The following TMEM117 variants were observed in gnomAD, a reference collection of about 807,000 sequenced individuals.
TMEM117 encodes transmembrane protein 117.
TMEM117 carries 27 observed loss-of-function variants against 52.4 expected under a neutral mutation model. The ratio of observed to expected loss-of-function variants is 0.51; its 90% CI spans 0.38 to 0.71. The LOEUF (loss-of-function observed/expected upper bound fraction) is 0.71. TMEM117 is among the 30% of genes least tolerant of loss of function. TMEM117 has a pLI of 0.00. For missense variants in TMEM117, 556 were observed against 630.5 expected (o/e 0.88, Z 1.26); for synonymous variants, 215 against 206.3 (o/e 1.04, Z -0.36).
chr12:43,880,381 TCAA>T (rs1215958692), intron 2 of TMEM117, among the ~76,000 whole-genome samples: 1 of 152,056 alleles, frequency 6.6e-6, no homozygotes, highest in African/African-American at 2.4e-5. Flanking sequence ...CTTTCTAACT[TCAA>T]TTTTTATTCC....
At chr12:44,122,743 C>G (rs896238231) in intron 3 of TMEM117, among the ~76,000 whole-genome samples, 1 of 152,206 alleles carries the variant, frequency 6.6e-6, no homozygotes, top group African/African-American at 2.4e-5. Flanking sequence ...AGGACATGAT[C>G]TCATTCCTTT....
chr12:43,798,138 A>G, the TMEM117 span, among the ~76,000 whole-genome samples: 1 of 152,126 alleles, frequency 6.6e-6, no homozygotes, highest in Non-Finnish European at 1.5e-5. Context: ...TACACCACTG[A>G]TTGTAAAATT....
chr12:43,880,076 C>G (rs770451468), intron 2 of TMEM117, among the ~76,000 whole-genome samples: 1 of 152,178 alleles, frequency 6.6e-6, no homozygotes, highest in Non-Finnish European at 1.5e-5. Flanking sequence ...TTTCATACTT[C>G]CCTATTTCAT....
intron 6 of TMEM117, among the ~76,000 whole-genome samples, chr12:44,339,628 C>T (rs1015318249): frequency 7.9e-5 from 12 of 151,740 alleles, no homozygotes; most frequent in East Asian, 1.9e-4. Flanking sequence ...TTAGAAAATA[C>T]AATGAAAGAT....
At chr12:44,171,226 G>T (rs1490513116) in intron 4 of TMEM117, among the ~76,000 whole-genome samples, 1 of 151,778 alleles carries the variant, frequency 6.6e-6, no homozygotes, top group African/African-American at 2.4e-5. Context: ...CATTTTAGCC[G>T]GGATGGTCTC....
intron 6 of TMEM117, among the ~76,000 whole-genome samples, chr12:44,311,588 A>G (rs1198069798): frequency 6.6e-6 from 1 of 151,832 alleles, no homozygotes; most frequent in Admixed American, 6.6e-5. Context: ...GAGGACGTAG[A>G]GATGACAGCT....
chr12:44,325,507 A>T (rs886657387), intron 6 of TMEM117, among the ~76,000 whole-genome samples: 1 of 150,810 alleles, frequency 6.6e-6, no homozygotes, highest in Non-Finnish European at 1.5e-5. Context: ...ATTATTTATT[A>T]TATTATTTAT....
chr12:43,948,959 AC>A, intron 3 of TMEM117, among the ~76,000 whole-genome samples: 3 of 152,346 alleles, frequency 2.0e-5, no homozygotes, highest in East Asian at 3.9e-4. Flanking sequence ...TTATGTAGGG[AC>A]CAGAAACAAG....
intron 3 of TMEM117, among the ~76,000 whole-genome samples, chr12:44,111,093 C>T (rs1948047971): frequency 1.7e-4 from 1 of 5,758 alleles, no homozygotes; most frequent in Non-Finnish European, 2.7e-4. Context: ...TGATTCTTCT[C>T]TCTTTTTTTC....
In TMEM117 at chr12:44,107,228, T is replaced by C. The variant is rs1947971827; in HGVS notation, c.411-36297T>C. ...AGTTAAAAATTAACTTTCTCTTATTTCCCAGGGTTAGTAAGATATGGGGCA... is the reference window on the plus strand; with the variant it reads ...AGTTAAAAATTAACTTTCTCTTATTCCCCAGGGTTAGTAAGATATGGGGCA... On this transcript the variant is annotated intron_variant, in intron 3 of 7. Transcript: ENST00000266534. Among the ~76,000 whole-genome samples the C allele has an allele frequency of 2.0e-5, 3 of 152,062 alleles. No individual in the cohort carries two copies. The South Asian group carries it at 6.2e-4, about 32-fold the overall frequency.
intron 4 of TMEM117, among the ~76,000 whole-genome samples, chr12:44,181,051 G>C (rs1949190467): frequency 6.6e-6 from 1 of 152,162 alleles, no homozygotes; most frequent in Admixed American, 6.5e-5. Flanking sequence ...CATTCTAACT[G>C]GTGTAAAATG....
intron 6 of TMEM117, among the ~76,000 whole-genome samples, chr12:44,354,418 A>C (rs1466465164): frequency 6.6e-6 from 1 of 152,094 alleles, no homozygotes; most frequent in Non-Finnish European, 1.5e-5. Context: ...AAAAATCCTC[A>C]GTAAAATACT....
At chr12:44,168,745 G>C (rs1382808272) in intron 4 of TMEM117, among the ~76,000 whole-genome samples, 1 of 152,082 alleles carries the variant, frequency 6.6e-6, no homozygotes, top group Non-Finnish European at 1.5e-5. Context: ...ACATTTTTAA[G>C]TGTAGAGTCT....
At chr12:43,968,123 A>C (rs1344014788) in intron 3 of TMEM117, among the ~76,000 whole-genome samples, 2 of 152,354 alleles carry the variant, frequency 1.3e-5, no homozygotes, top group East Asian at 1.9e-4. Flanking sequence ...TATGATATTT[A>C]TTATACAGCA....
At chr12:44,384,468 C>T (rs1263282046) in intron 7 of TMEM117, among the ~76,000 whole-genome samples, 1 of 151,992 alleles carries the variant, frequency 6.6e-6, no homozygotes, top group African/African-American at 2.4e-5. Flanking sequence ...GGGACACGAT[C>T]CCCTGTTTTT....
At chr12:43,961,170 A>C (rs899142866) in intron 3 of TMEM117, among the ~76,000 whole-genome samples, 1 of 152,178 alleles carries the variant, frequency 6.6e-6, no homozygotes, top group African/African-American at 2.4e-5. Flanking sequence ...TATGATGCCC[A>C]CCATATAATG....
chr12:43,995,517 T>C (rs923299333), intron 3 of TMEM117, among the ~76,000 whole-genome samples: 4 of 152,216 alleles, frequency 2.6e-5, no homozygotes, highest in Non-Finnish European at 4.4e-5. Context: ...TAGTGATTAC[T>C]TGTCTTCTTG....
chr12:44,223,878 A>C lies in TMEM117; in HGVS notation c.608+12491A>C, dbSNP rs560672850. Among the ~76,000 whole-genome samples, 92 of 152,292 alleles carry C rather than the reference A, an allele frequency of 6.0e-4. 1 individual carries two copies. Among genetic ancestry groups the C allele is most frequent in the African/African-American group, 2.1e-3 (89 of 41,572 alleles). On this transcript the variant is annotated intron_variant, in intron 5 of 7. Coordinates refer to ENST00000266534, the MANE Select transcript of TMEM117 (RefSeq NM_032256.3). Reference sequence around the variant, plus strand: ...CCAAGAGAAGCTTCTGAAAAGTATAATTGTTTGCCTCGTTCTGCCAATTGG... The same window carrying C: ...CCAAGAGAAGCTTCTGAAAAGTATACTTGTTTGCCTCGTTCTGCCAATTGG...
At chr12:44,183,071 A>G (rs1949227687) in intron 4 of TMEM117, among the ~76,000 whole-genome samples, 1 of 152,176 alleles carries the variant, frequency 6.6e-6, no homozygotes, top group South Asian at 2.1e-4. Context: ...TATATGTAAA[A>G]TCATTTTGGA....
Sources: gnomAD v4.1 joint callset for allele counts (sites outside exome capture counted in the v4.1 genomes callset) on GRCh38, gnomAD v4.1.1 for gene constraint, MANE v1.5 for transcripts, NCBI Gene and HGNC (gene_info 2026-07-23, HGNC 2026-07-21) for gene names.